ITGBL1: variants seen among roughly 807,000 people sequenced by gnomAD.
ITGBL1 encodes integrin beta-like protein 1.
A neutral mutation model predicts 68.5 loss-of-function variants in ITGBL1; 51 were observed. The observed-to-expected ratio is 0.74, with a 90% CI of 0.59 to 0.94. ITGBL1 has a LOEUF of 0.94. Ranked by LOEUF, ITGBL1 falls within the 40% of genes least tolerant of loss-of-function variation. The pLI is 0.00. For synonymous variants in ITGBL1, 209 were observed against 227.3 expected (o/e 0.92, Z 0.72); for missense variants, 649 against 647.4 (o/e 1.00, Z -0.03).
chr13:101,710,820 C>T (rs1021277178), intron 9 of ITGBL1: 1 of 152,048 alleles, frequency 6.6e-6, no homozygotes, highest in African/African-American at 2.4e-5. Flanking sequence ...GAAGAAATAG[C>T]GTTTTATTTC....
At chr13:101,520,233 A>G (rs2049263032) in intron 2 of ITGBL1, among the ~76,000 whole-genome samples, 1 of 152,146 alleles carries the variant, frequency 6.6e-6, no homozygotes, top group African/African-American at 2.4e-5. Context: ...ATTTTGTGGG[A>G]TTTCTTCATA....
chr13:101,652,940 A>G (rs1209635129), intron 7 of ITGBL1, among the ~76,000 whole-genome samples: 7 of 152,072 alleles, frequency 4.6e-5, no homozygotes, highest in Non-Finnish European at 1.0e-4. Context: ...TCTACTAAAA[A>G]TACAAAATTA....
intron 6 of ITGBL1, 81 bp from the exon 7 acceptor site, chr13:101,598,072 C>A: frequency 7.8e-7 from 1 of 1,278,892 alleles, no homozygotes; most frequent in Non-Finnish European, 1.1e-6. Flanking sequence ...TCATTTGTGA[C>A]ATTTGCTGTT....
downstream of ITGBL1, chr13:101,717,741 C>T: frequency 6.6e-6 from 1 of 152,094 alleles, no homozygotes; most frequent in Admixed American, 6.6e-5. Context: ...CCAGGCCATA[C>T]AAAAGCAACT....
intron 2 of ITGBL1, chr13:101,489,812 G>C (rs528697066): frequency 3.5e-6 from 2 of 572,240 alleles, no homozygotes; most frequent in Admixed American, 5.8e-5. Flanking sequence ...AGGATGCTGC[G>C]ATACTGATCA....
intron 7 of ITGBL1, among the ~76,000 whole-genome samples, chr13:101,640,086 A>C (rs2032311708): frequency 6.6e-6 from 1 of 152,196 alleles, no homozygotes; most frequent in African/African-American, 2.4e-5. Flanking sequence ...TATACTTACA[A>C]GAAAGAACTT....
Position 101,567,832 on chromosome 13 carries a change from C to A in ITGBL1, c.450C>A (p.Ile150=), listed in dbSNP as rs373823237. Residue 150 remains isoleucine (I), a synonymous_variant, in exon 3 of 11, where the codon ATC becomes ATA. Coordinates refer to ENST00000376180, the MANE Select transcript of ITGBL1 (RefSeq NM_004791.3). ...TGTGCAAGAATTCACAAGACATCAT[C>A]TGCTCTAATGCAGGTAAGAAGTATA... The part of the protein sequence containing the change: ...NQMCKNSQDI[I]CSNAGTCHCG... The A allele has an allele frequency of 6.3e-5, 102 of 1,612,854 alleles. No homozygotes were observed. Among genetic ancestry groups the A allele is most frequent in the Non-Finnish European group, 8.3e-5 (98 of 1,179,290 alleles).
At chr13:101,720,639 AAGTT>A (rs1051221253), downstream of ITGBL1, 2 of 151,878 alleles carry the variant, frequency 1.3e-5, no homozygotes, top group Non-Finnish European at 1.5e-5. Flanking sequence ...ACTGTATTAC[AAGTT>A]AGTTAATTAC....
At chr13:101,534,309 G>A (rs575847394) in intron 2 of ITGBL1, among the ~76,000 whole-genome samples, 2 of 152,236 alleles carry the variant, frequency 1.3e-5, no homozygotes, top group South Asian at 4.1e-4. Flanking sequence ...AAATAGGTAC[G>A]TAAGTCTTAG....
intron 7 of ITGBL1, among the ~76,000 whole-genome samples, chr13:101,627,572 T>A (rs934261807): frequency 6.6e-6 from 1 of 150,454 alleles, no homozygotes; most frequent in South Asian, 2.1e-4. Flanking sequence ...CAGTAACATA[T>A]AGAGTAGTTT....
At chr13:101,604,904 A>ATG (rs2030635558) in intron 7 of ITGBL1, among the ~76,000 whole-genome samples, 1 of 124,944 alleles carries the variant, frequency 8.0e-6, no homozygotes, top group Non-Finnish European at 1.7e-5. Context: ...ACACACACAT[A>ATG]TATATGTGCA....
At chr13:101,622,338 T>A (rs911621214) in intron 7 of ITGBL1, among the ~76,000 whole-genome samples, 1 of 152,140 alleles carries the variant, frequency 6.6e-6, no homozygotes, top group African/African-American at 2.4e-5. Flanking sequence ...CGTCTCTGTC[T>A]ATATAAATTT....
intron 7 of ITGBL1, among the ~76,000 whole-genome samples, chr13:101,649,459 T>TAAAG (rs1302045855): frequency 6.6e-6 from 1 of 152,160 alleles, no homozygotes; most frequent in Non-Finnish European, 1.5e-5. Context: ...CCTAAATAAA[T>TAAAG]GATTAAAGAA....
chr13:101,601,299 TA>T (rs2139334329), intron 7 of ITGBL1, among the ~76,000 whole-genome samples: 1 of 152,338 alleles, frequency 6.6e-6, no homozygotes, highest in African/African-American at 2.4e-5. Context: ...TGTCATTTTT[TA>T]TTGAGTCTAT....
chr13:101,485,074 A>G (rs961081610), intron 2 of ITGBL1, among the ~76,000 whole-genome samples: 3 of 152,218 alleles, frequency 2.0e-5, no homozygotes, highest in Non-Finnish European at 4.4e-5. Flanking sequence ...ACATCTTTAA[A>G]GGATTGAAGA....
At chr13:101,641,535 T>G (rs1216725908) in intron 7 of ITGBL1, among the ~76,000 whole-genome samples, 2 of 149,304 alleles carry the variant, frequency 1.3e-5, no homozygotes, top group Admixed American at 6.6e-5. Flanking sequence ...TATTTTATTT[T>G]ATTTTATTTA....
intron 7 of ITGBL1, among the ~76,000 whole-genome samples, chr13:101,612,964 T>C (rs972842766): frequency 6.6e-6 from 1 of 152,130 alleles, no homozygotes; most frequent in African/African-American, 2.4e-5. Context: ...GCGTGTGCTC[T>C]GAGGGGGCAG....
chr13:101,612,844 A>G (rs1040546590), intron 7 of ITGBL1, among the ~76,000 whole-genome samples: 3 of 152,108 alleles, frequency 2.0e-5, no homozygotes, highest in African/African-American at 7.2e-5. Flanking sequence ...TGGAAACACT[A>G]TTAACAGGCA....
At chr13:101,504,191 A>T (rs2048988964) in intron 2 of ITGBL1, among the ~76,000 whole-genome samples, 2 of 152,154 alleles carry the variant, frequency 1.3e-5, no homozygotes, top group Admixed American at 1.3e-4. Flanking sequence ...TGTGGTTAGG[A>T]TACATACACT....
Sources: allele counts gnomAD v4.1 joint callset (sites outside exome capture counted in the v4.1 genomes callset), GRCh38; gene constraint gnomAD v4.1.1; transcripts MANE v1.5; gene names NCBI Gene and HGNC (gene_info 2026-07-23, HGNC 2026-07-21).